GRAMD1C: variants seen among roughly 807,000 people sequenced by gnomAD.
The protein encoded by GRAMD1C is GRAM domain containing 1C, also known as protein Aster-C.
A neutral mutation model predicts 97.8 loss-of-function variants in GRAMD1C; 89 were observed. The observed-to-expected ratio is 0.91, with a 90% CI of 0.77 to 1.09. The LOEUF is 1.09. Among genes scored for constraint, GRAMD1C ranks in the 50% least tolerant of loss-of-function variants. GRAMD1C has a pLI of 0.00. For missense variants in GRAMD1C, 740 were observed against 766.4 expected (o/e 0.97, Z 0.41); for synonymous variants, 256 against 267.0 (o/e 0.96, Z 0.40).
intron 3 of GRAMD1C, among the ~76,000 whole-genome samples, chr3:113,872,752 A>G (rs981162622): frequency 2.6e-5 from 4 of 151,442 alleles, no homozygotes; most frequent in Admixed American, 2.0e-4. Flanking sequence ...ACAATAAAAC[A>G]TATCCATTTT....
At chr3:113,847,376 T>A (rs980753517) in intron 2 of GRAMD1C, among the ~76,000 whole-genome samples, 5 of 152,148 alleles carry the variant, frequency 3.3e-5, no homozygotes, top group Admixed American at 1.3e-4. Context: ...ACATTCAAAG[T>A]TAATTTGATA....
chr3:113,937,467 A>T (rs1376311789), intron 14 of GRAMD1C, among the ~76,000 whole-genome samples: 2 of 152,198 alleles, frequency 1.3e-5, no homozygotes, highest in Non-Finnish European at 2.9e-5. Flanking sequence ...CTTATTGATT[A>T]TTAGCTACTT....
At chr3:113,872,391 C>CTTTTTTTTTTTTTTT (rs777339692) in intron 3 of GRAMD1C, among the ~76,000 whole-genome samples, 7 of 117,438 alleles carry the variant, frequency 6.0e-5, no homozygotes, top group Non-Finnish European at 1.0e-4. Flanking sequence ...TCTTTTTTTT[C>CTTTTTTTTTTTTTTT]TTTTTTTTTT....
intron 14 of GRAMD1C, chr3:113,936,993 C>T (rs1937590134): frequency 6.6e-6 from 1 of 152,446 alleles, no homozygotes; most frequent in Non-Finnish European, 1.5e-5. Flanking sequence ...TTGCCACAGC[C>T]CCCATCACAA....
intron 3 of GRAMD1C, among the ~76,000 whole-genome samples, chr3:113,872,291 C>T (rs1352225745): frequency 6.6e-6 from 1 of 151,322 alleles, no homozygotes; most frequent in Non-Finnish European, 1.5e-5. Context: ...TAGAAAAAAA[C>T]TTAAATGGGA....
At chr3:113,865,408 T>C (rs948664645) in intron 2 of GRAMD1C, among the ~76,000 whole-genome samples, 4 of 152,190 alleles carry the variant, frequency 2.6e-5, no homozygotes, top group Non-Finnish European at 4.4e-5. Context: ...GTGCCACAGA[T>C]ACTGAATCAC....
intron 10 of GRAMD1C, among the ~76,000 whole-genome samples, chr3:113,921,955 C>T (rs927220592): frequency 6.6e-6 from 1 of 152,024 alleles, no homozygotes; most frequent in African/African-American, 2.4e-5. Flanking sequence ...TGCAGATACT[C>T]TTTAGTTTAA....
chr3:113,929,875 G>T (rs1420562371), intron 10 of GRAMD1C, among the ~76,000 whole-genome samples: 1 of 152,088 alleles, frequency 6.6e-6, no homozygotes, highest in Admixed American at 6.5e-5. Flanking sequence ...TTAGATAAAG[G>T]CTCCTATGCT....
chr3:113,898,188 G>A (rs1268714102), intron 6 of GRAMD1C, among the ~76,000 whole-genome samples: 2 of 151,998 alleles, frequency 1.3e-5, no homozygotes, highest in Admixed American at 6.6e-5. Flanking sequence ...TTACATTTTT[G>A]TTGTTAGTAT....
At chr3:113,877,646 A>G (rs760547776) in intron 5 of GRAMD1C, among the ~76,000 whole-genome samples, 18 of 152,180 alleles carry the variant, frequency 1.2e-4, no homozygotes, top group Non-Finnish European at 2.1e-4. Flanking sequence ...TGTCACCACT[A>G]CATCCTATCA....
At chr3:113,843,218 G>A (rs1933446020) in intron 1 of GRAMD1C, among the ~76,000 whole-genome samples, 1 of 151,908 alleles carries the variant, frequency 6.6e-6, no homozygotes, top group African/African-American at 2.4e-5. Flanking sequence ...GGGACAATAG[G>A]CGCATGCCAC....
At chr3:113,885,032 C>T (rs916252885) in intron 6 of GRAMD1C, among the ~76,000 whole-genome samples, 1 of 150,794 alleles carries the variant, frequency 6.6e-6, no homozygotes, top group South Asian at 2.1e-4. Context: ...TGTCTCGGCC[C>T]GCAACTTCCC....
intron 10 of GRAMD1C, among the ~76,000 whole-genome samples, chr3:113,926,325 A>G (rs999287418): frequency 3.3e-5 from 5 of 152,100 alleles, no homozygotes; most frequent in Non-Finnish European, 5.9e-5. Context: ...AGCTTGGTCT[A>G]TTCTGCTGTT....
chr3:113,838,866 T>C lies in GRAMD1C; in HGVS notation c.-44T>C, dbSNP rs1337855607. On this transcript the variant is annotated 5_prime_UTR_variant, in exon 1 of 18. Coordinates refer to ENST00000358160, the MANE Select transcript of GRAMD1C (RefSeq NM_017577.5). Reference sequence around the variant, plus strand: ...TGGAGGTGGGCGCGGGGCGGTGCGGTGCGGTGCGCGCGGGGCGGTGCCGCG... The same window carrying C: ...TGGAGGTGGGCGCGGGGCGGTGCGGCGCGGTGCGCGCGGGGCGGTGCCGCG... The C allele has an allele frequency of 8.2e-7, 1 of 1,221,614 alleles. No individual in the cohort carries two copies. Among genetic ancestry groups the C allele is most frequent in the South Asian group, 4.1e-5 (1 of 24,230 alleles). 75.7% of individuals were successfully genotyped at this position (1,221,614 alleles called of 1,614,324 possible).
upstream of GRAMD1C, chr3:113,838,362 G>C (rs959904142): frequency 2.0e-5 from 3 of 152,314 alleles, no homozygotes; most frequent in African/African-American, 4.8e-5. Flanking sequence ...GCCTGAGGTG[G>C]GGAGTTCGAG....
intron 5 of GRAMD1C, among the ~76,000 whole-genome samples, chr3:113,879,494 TGTTTGGTCTTTGACACTTGACACCAC>T (rs1935180417): frequency 1.3e-5 from 2 of 152,096 alleles, no homozygotes; most frequent in African/African-American, 4.8e-5. Flanking sequence ...CTCTTCACCA[TGTTTGGTCTTTGACACTTGACACCAC>T]ACAAAAAGCT....
At chr3:113,906,878 G>A (rs77605093) in intron 8 of GRAMD1C, among the ~76,000 whole-genome samples, 2,254 of 152,138 alleles carry the variant, frequency 0.015, 17 homozygotes, top group Admixed American at 0.024. Flanking sequence ...GTTTACATAC[G>A]TTTAGATACA....
intron 10 of GRAMD1C, among the ~76,000 whole-genome samples, chr3:113,927,931 T>G (rs1937284353): frequency 6.6e-6 from 1 of 152,040 alleles, no homozygotes; most frequent in Non-Finnish European, 1.5e-5. Context: ...CTTATAGAGG[T>G]CCCCATGGAC....
chr3:113,870,132 C>A (rs1205761703), intron 3 of GRAMD1C, among the ~76,000 whole-genome samples: 3 of 151,674 alleles, frequency 2.0e-5, no homozygotes, highest in Non-Finnish European at 4.4e-5. Flanking sequence ...GAGACTGAGG[C>A]AGGAACATTG....
Sources: allele counts gnomAD v4.1 joint callset (sites outside exome capture counted in the v4.1 genomes callset), GRCh38; gene constraint gnomAD v4.1.1; transcripts MANE v1.5; gene names NCBI Gene and HGNC (gene_info 2026-07-23, HGNC 2026-07-21).